HTR4: variants seen among roughly 807,000 people sequenced by gnomAD.
HTR4 encodes the protein 5-hydroxytryptamine receptor 4, also known as 5-hydroxytryptamine (serotonin) receptor 4, G protein-coupled.
HTR4 carries 16 observed loss-of-function variants against 36.8 expected under a neutral mutation model. The observed-to-expected ratio is 0.43, with a 90% CI of 0.29 to 0.66. The LOEUF (loss-of-function observed/expected upper bound fraction) is 0.66, where lower values mean the gene tolerates loss of function less well. Among genes scored for constraint, HTR4 ranks in the 30% least tolerant of loss-of-function variants. HTR4 has a pLI of 0.13. For synonymous variants in HTR4, 189 were observed against 185.1 expected (o/e 1.02, Z -0.17); for missense variants, 438 against 490.9 (o/e 0.89, Z 1.02).
chr5:148,453,694 G>C (rs1396157010), intron 5 of HTR4, among the ~76,000 whole-genome samples: 1 of 152,136 alleles, frequency 6.6e-6, no homozygotes, highest in East Asian at 1.9e-4. Context: ...GTGGGCGGGG[G>C]TGGGCTTGAA....
intron 2 of HTR4, among the ~76,000 whole-genome samples, chr5:148,576,110 CA>C (rs781780161): frequency 3.3e-3 from 107 of 32,692 alleles, no homozygotes; most frequent in South Asian, 9.2e-3. Context: ...GACTCCGTCT[CA>C]AAAAAAAAAA....
chr5:148,557,582 C>T (rs1760012859), intron 2 of HTR4, among the ~76,000 whole-genome samples: 1 of 151,866 alleles, frequency 6.6e-6, no homozygotes, highest in Admixed American at 6.6e-5. Context: ...AGGATGTGAT[C>T]ACCCAAGAAG....
intron 5 of HTR4, among the ~76,000 whole-genome samples, chr5:148,515,215 A>G (rs1296165796): frequency 6.6e-6 from 1 of 152,078 alleles, no homozygotes; most frequent in Non-Finnish European, 1.5e-5. Context: ...TTTAGGGGCT[A>G]CAACTCATTA....
At chr5:148,508,488 C>T (rs1757330309) in intron 6 of HTR4, among the ~76,000 whole-genome samples, 1 of 152,158 alleles carries the variant, frequency 6.6e-6, no homozygotes. Flanking sequence ...GAAAAAAAAT[C>T]GCTGGACCTG....
chr5:148,529,114 T>C (rs1339652613), intron 4 of HTR4, among the ~76,000 whole-genome samples: 2 of 152,004 alleles, frequency 1.3e-5, no homozygotes, highest in African/African-American at 4.8e-5. Context: ...AGCTGGCATC[T>C]AGCCCAGGCA....
chr5:148,531,294 G>A, intron 4 of HTR4, among the ~76,000 whole-genome samples: 1 of 152,258 alleles, frequency 6.6e-6, no homozygotes, highest in South Asian at 2.1e-4. Context: ...TGTGTTGTGG[G>A]AGAAACCCGG....
chr5:148,490,757 T>G (rs1228271734), intron 6 of HTR4: 1 of 1,233,316 alleles, frequency 8.1e-7, no homozygotes, highest in African/African-American at 1.6e-5. Flanking sequence ...TGTGCTGAAA[T>G]ACATGTTCTT....
In HTR4 at chr5:148,517,370, C is replaced by CT. The variant is rs375490987; in HGVS notation, c.507+5822dup. Among the ~76,000 whole-genome samples the CT allele has an allele frequency of 2.7e-3, 406 of 149,334 alleles. 12 individuals are homozygous for CT. The East Asian group carries it at 0.04, about 15-fold the overall frequency. ...GCATCTAATCTTTGAGAATGGTCCA[C>CT]TTTTTTTTTTCTTTCTGATCGGGAC... On this transcript the variant is annotated intron_variant, in intron 5 of 6. Coordinates refer to ENST00000377888, the MANE Select transcript of HTR4 (RefSeq NM_000870.7).
chr5:148,616,202 C>A (rs1752683288), intron 2 of HTR4, among the ~76,000 whole-genome samples: 2 of 152,114 alleles, frequency 1.3e-5, no homozygotes, highest in African/African-American at 4.8e-5. Flanking sequence ...GTTGGATATG[C>A]CTGAGAAAGG....
Position 148,482,870 on chromosome 5 carries a change from T to C in HTR4, c.*333A>G, listed in dbSNP as rs1755953908. ...GACCGAGATAGGACGCAGCAAGCTATCGTGCTTAGAACGTGAGTGAGACAG... is the reference window on the plus strand; with the variant it reads ...GACCGAGATAGGACGCAGCAAGCTACCGTGCTTAGAACGTGAGTGAGACAG... On this transcript the variant is annotated 3_prime_UTR_variant, in exon 7 of 7. Transcript: ENST00000377888. The C allele has an allele frequency of 1.7e-6, 2 of 1,180,146 alleles. No individual in the cohort carries two copies. The highest frequency in any genetic ancestry group is 4.8e-5 in the South Asian group (2 of 41,960). 73.1% of individuals were successfully genotyped at this position (1,180,146 alleles called of 1,614,324 possible). A position where few individuals can be genotyped will look rare whatever the true frequency, so the allele number is the denominator to read the frequency against.
chr5:148,481,017 A>G (rs1755860789), downstream of HTR4, among the ~76,000 whole-genome samples: 1 of 152,190 alleles, frequency 6.6e-6, no homozygotes, highest in Non-Finnish European at 1.5e-5. Context: ...AATTTGCTTA[A>G]TAAGTCAGCA....
chr5:148,540,049 A>T (rs1337989158), intron 4 of HTR4, among the ~76,000 whole-genome samples: 2 of 152,122 alleles, frequency 1.3e-5, no homozygotes, highest in African/African-American at 2.4e-5. Context: ...CATGAAAAAT[A>T]ACAAAATCAT....
At chr5:148,587,941 C>T (rs1436439344) in intron 2 of HTR4, among the ~76,000 whole-genome samples, 1 of 152,182 alleles carries the variant, frequency 6.6e-6, no homozygotes, top group African/African-American at 2.4e-5. Flanking sequence ...CTCGTACTTC[C>T]TCTCCTGGCT....
chr5:148,604,606 G>A (rs1488004235), intron 2 of HTR4, among the ~76,000 whole-genome samples: 1 of 152,088 alleles, frequency 6.6e-6, no homozygotes, highest in Non-Finnish European at 1.5e-5. Context: ...ACAATTCAAA[G>A]GTCCACTATT....
At chr5:148,537,818 G>T (rs1247465249) in intron 4 of HTR4, among the ~76,000 whole-genome samples, 1 of 152,018 alleles carries the variant, frequency 6.6e-6, no homozygotes, top group Non-Finnish European at 1.5e-5. Flanking sequence ...AAGAATACCT[G>T]GTACCATTCC....
At chr5:148,538,059 T>C (rs1261090141) in intron 4 of HTR4, among the ~76,000 whole-genome samples, 2 of 152,130 alleles carry the variant, frequency 1.3e-5, no homozygotes, top group Non-Finnish European at 2.9e-5. Context: ...AGCCTCAGGA[T>C]TCAAGGTTGG....
At chr5:148,552,858 T>G (rs1759765956) in intron 2 of HTR4, among the ~76,000 whole-genome samples, 1 of 152,208 alleles carries the variant, frequency 6.6e-6, no homozygotes, top group Non-Finnish European at 1.5e-5. Flanking sequence ...ATGCATTACA[T>G]AGTAAGTGCT....
At position 148,637,500 on chromosome 5, in the gene HTR4, T is replaced by G. The variant is rs550856164; in HGVS notation, c.-47-439A>C. Among the ~76,000 whole-genome samples the G allele has an allele frequency of 1.1e-4, 16 of 152,248 alleles. No individual in the cohort carries two copies. In the South Asian group the frequency reaches 2.3e-3, roughly 22 times the overall value. ...ATTTTAAGGGTAGGAAATCACAGAT[T>G]CTTTTGAGAATCTAGTAAACTCTTG... On this transcript the variant is annotated intron_variant, in intron 1 of 6. Coordinates refer to ENST00000377888, the MANE Select transcript of HTR4 (RefSeq NM_000870.7).
chr5:148,610,929 A>G (rs961953748), intron 2 of HTR4, among the ~76,000 whole-genome samples: 16 of 150,636 alleles, frequency 1.1e-4, no homozygotes, highest in African/African-American at 3.2e-4. Context: ...GGGTATCAGC[A>G]ATGGAAGATG....
Sources: gnomAD v4.1 joint callset for allele counts (sites outside exome capture counted in the v4.1 genomes callset) on GRCh38, gnomAD v4.1.1 for gene constraint, MANE v1.5 for transcripts, NCBI Gene and HGNC (gene_info 2026-07-23, HGNC 2026-07-21) for gene names.